The following SRSF1 variants were observed in gnomAD, a reference collection of about 807,000 sequenced individuals.
The protein encoded by SRSF1 is serine and arginine rich splicing factor 1.
Under a neutral mutation model 25.9 loss-of-function variants are expected in SRSF1, and 1 was observed. That is an observed-to-expected ratio of 0.04 (90% confidence interval 0.01 to 0.18). SRSF1 has a LOEUF of 0.18. Among genes scored for constraint, SRSF1 ranks in the 10% least tolerant of loss-of-function variants. The pLI is 1.00. For synonymous variants in SRSF1, 132 were observed against 126.2 expected, an observed-to-expected ratio of 1.05 and a Z score of -0.31; for missense variants, 65 against 350.5, an observed-to-expected ratio of 0.19 and a Z score of 6.50.
At chr17:57,996,498 A>AAAAAAAC (rs1469820530), downstream of SRSF1, among the ~76,000 whole-genome samples, 2 of 151,146 alleles carry the variant, frequency 1.3e-5, no homozygotes, top group East Asian at 3.9e-4. Flanking sequence ...AAAAAAAAAA[A>AAAAAAAC]AAAAACAGCC....
In SRSF1 at chr17:58,003,330, TAAC is replaced by T. The variant is rs1390284910; in HGVS notation, c.*2073_*2075del. 2 of 152,292 alleles carry T rather than the reference TAAC, an allele frequency of 1.3e-5. No individual in the cohort carries two copies. The highest frequency in any genetic ancestry group is 1.9e-4 in the East Asian group (1 of 5,188). 9.4% of individuals were successfully genotyped at this position (152,292 alleles called of 1,614,324 possible). ...GCTTTCCCCTGAAGACTTTTACAAT[TAAC>T]AATAAAAGATGGCTAATACCATTAG... On this transcript the variant is annotated 3_prime_UTR_variant, in exon 4 of 4. Coordinates refer to ENST00000258962, the MANE Select transcript of SRSF1 (RefSeq NM_006924.5).
At chr17:57,999,287 T>C (rs1377653687), downstream of SRSF1, among the ~76,000 whole-genome samples, 1 of 152,238 alleles carries the variant, frequency 6.6e-6, no homozygotes, top group African/African-American at 2.4e-5. Flanking sequence ...TTCTAGTTCA[T>C]AACCAAATTG....
rs758677908 is a variant in SRSF1 at position 58,001,374 on chromosome 17, T to C, written c.*4032A>G. On this transcript the variant is annotated 3_prime_UTR_variant, in exon 4 of 4. Coordinates refer to ENST00000258962, the MANE Select transcript of SRSF1 (RefSeq NM_006924.5). ...AGCATAAAACTTAGGAAAAATCATT[T>C]TACGGGGAATCTATTCATATTCCAA... 5.9e-5 allele frequency among the ~76,000 whole-genome samples: 9 copies of C among 152,178 alleles called. No individual in the cohort carries two copies. Among genetic ancestry groups the C allele is most frequent in the Non-Finnish European group, 1.2e-4 (8 of 68,010 alleles).
At chr17:57,995,438 G>A in the SRSF1 span, among the ~76,000 whole-genome samples, 1 of 152,192 alleles carries the variant, frequency 6.6e-6, no homozygotes, top group Non-Finnish European at 1.5e-5. Context: ...AAGAGGGCCA[G>A]GGCTTCTCTG....
Position 58,004,358 on chromosome 17 carries a change from T to C in SRSF1, c.*1048A>G, listed in dbSNP as rs769669133. 2 of 152,620 alleles carry C rather than the reference T, an allele frequency of 1.3e-5. No individual in the cohort carries two copies. The highest frequency in any genetic ancestry group is 1.3e-4 in the Admixed American group (2 of 15,286). 9.5% of individuals were successfully genotyped at this position (152,620 alleles called of 1,614,324 possible). ...TAAATCTAATGCTCCCATTTGCAAT[T>C]TAATTTGTAAATTAAAGTCTTTTAA... On this transcript the variant is annotated 3_prime_UTR_variant, in exon 4 of 4. Transcript: ENST00000258962.
the SRSF1 span, chr17:57,989,297 T>A: frequency 5.0e-6 from 2 of 398,598 alleles, no homozygotes; most frequent in Non-Finnish European, 8.8e-6. Flanking sequence ...AAGCTATTAT[T>A]AAACAAGTGT....
the SRSF1 span, chr17:57,990,034 CCA>C: frequency 6.2e-6 from 2 of 320,486 alleles, no homozygotes; most frequent in Non-Finnish European, 1.1e-5. Flanking sequence ...GTGATGCACT[CCA>C]GAGTTTTCCT....
At position 58,005,213 on chromosome 17, in the gene SRSF1, A is replaced by T; in HGVS notation, c.*193T>A. ...AAATTTAAACAATCCTGTCTATGAC[A>T]TCACTTAAAATACAATTTATCAAAG... On this transcript the variant is annotated 3_prime_UTR_variant, in exon 4 of 4. Coordinates refer to ENST00000258962, the MANE Select transcript of SRSF1 (RefSeq NM_006924.5). The surrounding 1 kb of genome is among the most constrained non-coding windows in gnomAD (Gnocchi z 5.2). 3 of 622,436 alleles carry T rather than the reference A, an allele frequency of 4.8e-6. No individual in the cohort carries two copies. In the South Asian group the frequency reaches 6.2e-5, roughly 13 times the overall value. 38.6% of individuals were successfully genotyped at this position (622,436 alleles called of 1,614,324 possible). A position where few individuals can be genotyped will look rare whatever the true frequency, so the allele number is the denominator to read the frequency against.
downstream of SRSF1, among the ~76,000 whole-genome samples, chr17:57,998,908 C>A (rs1271887289): frequency 4.6e-5 from 7 of 152,194 alleles, no homozygotes; most frequent in Non-Finnish European, 1.0e-4. Flanking sequence ...ATCATATGGG[C>A]CTAAAAGGTT....
chr17:58,005,326 A>G lies in SRSF1; in HGVS notation c.*80T>C. The G allele has an allele frequency of 1.3e-6, 2 of 1,493,784 alleles. No homozygotes were observed. The highest frequency in any genetic ancestry group is 2.4e-5 in the South Asian group (2 of 81,904). The allele number at this position is 1,493,784 out of a possible 1,614,324, so 92.5% of individuals were successfully genotyped here. On this transcript the variant is annotated 3_prime_UTR_variant, in exon 4 of 4. Coordinates refer to ENST00000258962, the MANE Select transcript of SRSF1 (RefSeq NM_006924.5). This position sits in a 1 kb window ranked among gnomAD's most constrained non-coding sequence, Gnocchi z 5.2. ...AGCCCATTCTGAACAAAACAGTTTG[A>G]ATTAAAAAATGAAAAGATTGTACTG...
At position 58,006,958 on chromosome 17, in the gene SRSF1, C is replaced by G. The variant is rs764241280; in HGVS notation, c.180G>C (p.Glu60Asp). The stretch of plus-strand genomic sequence containing the variant: ...TGCCGCCTCACCGCGGGTCCTCGAA[C>G]TCAACGAAGGCGAAGGGCGGTCCCC... ...RRGGPPFAFV[E>D]FEDPRDAEDA... The change falls in exon 1 of 4, where the codon GAG (glutamate) becomes GAC (aspartate). Residue 60 changes from glutamate to aspartate, a missense_variant. Glu to Asp is a conservative substitution (Grantham distance 45). This residue lies in a region of SRSF1 where 63 missense variants were observed against 284.8 expected (regional missense o/e 0.22). Transcript: ENST00000258962. The G allele has an allele frequency of 8.7e-6, 14 of 1,614,094 alleles. No homozygotes were observed. Among genetic ancestry groups the G allele is most frequent in the South Asian group, 3.3e-5 (3 of 91,094 alleles).
rs560368658 is a variant in SRSF1 at position 58,001,515 on chromosome 17, G to A, written c.*3891C>T. 6.6e-6 allele frequency among the ~76,000 whole-genome samples: 1 copy of A among 152,162 alleles called. No individual in the cohort carries two copies. Among genetic ancestry groups the A allele is most frequent in the Non-Finnish European group, 1.5e-5 (1 of 68,006 alleles). On this transcript the variant is annotated 3_prime_UTR_variant, in exon 4 of 4. Transcript: ENST00000258962. The stretch of plus-strand genomic sequence containing the variant: ...TTTTGTTTCCAGTAGGATGTGGGCT[G>A]AACAGCAAGGTGGGTTATTCAATCT...
downstream of SRSF1, among the ~76,000 whole-genome samples, chr17:58,000,053 G>C (rs1469416819): frequency 6.6e-6 from 1 of 152,100 alleles, no homozygotes; most frequent in African/African-American, 2.4e-5. Flanking sequence ...TTAAAATGTT[G>C]TAAATTACAA....
In SRSF1 at chr17:58,006,336, C is replaced by A. The variant is rs1458516941; in HGVS notation, c.379+7G>T. The A allele has an allele frequency of 6.2e-7, 1 of 1,608,210 alleles. No homozygotes were observed. The highest frequency in any genetic ancestry group is 8.5e-7 in the Non-Finnish European group (1 of 1,176,982). On this transcript the variant is annotated splice_region_variant and intron_variant, in intron 2 of 3. Coordinates refer to ENST00000258962, the MANE Select transcript of SRSF1 (RefSeq NM_006924.5). ...TTCACATCAATCCACACAACCAGTA[C>A]ACTCACCAGAGACAACCACTCTGTT...
At position 58,002,323 on chromosome 17, in the gene SRSF1, C is replaced by A. The variant is rs1246371898; in HGVS notation, c.*3083G>T. Among the ~76,000 whole-genome samples the A allele has an allele frequency of 6.6e-6, 1 of 152,178 alleles. No homozygotes were observed. The highest frequency in any genetic ancestry group is 1.5e-5 in the Non-Finnish European group (1 of 68,034). The stretch of plus-strand genomic sequence containing the variant: ...ATTCCACAACGTTCATTAAAATCTA[C>A]CGATTGGGGTGACCTTACACATTTC... On this transcript the variant is annotated 3_prime_UTR_variant, in exon 4 of 4. Transcript: ENST00000258962.
chr17:58,004,780 A>C lies in SRSF1; in HGVS notation c.*626T>G. 1 of 393,596 alleles carries C rather than the reference A, an allele frequency of 2.5e-6. No individual in the cohort carries two copies. The highest frequency in any genetic ancestry group is 4.5e-6 in the Non-Finnish European group (1 of 223,160). The allele number at this position is 393,596 out of a possible 1,614,324, so 24.4% of individuals were successfully genotyped here. ...CCACAATTGCCAAGGTTTAAAAAGC[A>C]AAGCAATTGTAGCTAAAGACAACTG... On this transcript the variant is annotated 3_prime_UTR_variant, in exon 4 of 4. Coordinates refer to ENST00000258962, the MANE Select transcript of SRSF1 (RefSeq NM_006924.5).
intron 1 of SRSF1, 50 bp from the exon 2 acceptor site, chr17:58,006,577 C>T (rs1285682336): frequency 6.5e-7 from 1 of 1,545,138 alleles, no homozygotes; most frequent in Non-Finnish European, 8.8e-7. Context: ...GGAGGAGAAG[C>T]TCGCTCAGTT....
At chr17:58,000,852 G>A (rs1235747195), downstream of SRSF1, among the ~76,000 whole-genome samples, 1 of 152,160 alleles carries the variant, frequency 6.6e-6, no homozygotes, top group East Asian at 1.9e-4. Flanking sequence ...TGTGGCAACT[G>A]TGCAATGAAT....
chr17:57,998,395 T>G (rs1042274550), downstream of SRSF1, among the ~76,000 whole-genome samples: 3 of 152,146 alleles, frequency 2.0e-5, no homozygotes, highest in Non-Finnish European at 4.4e-5. Flanking sequence ...TGTTGAAAGC[T>G]TATCCCAAAA....
Sources: allele counts gnomAD v4.1 joint callset (sites outside exome capture counted in the v4.1 genomes callset), GRCh38; gene constraint gnomAD v4.1.1; regional missense constraint gnomAD v4.1.1; non-coding constraint Gnocchi (gnomAD v3.1); transcripts MANE v1.5; gene names NCBI Gene and HGNC (gene_info 2026-07-23, HGNC 2026-07-21).